The following ANKS1B variants were observed in gnomAD, a reference collection of about 807,000 sequenced individuals.
ANKS1B encodes the protein ankyrin repeat and sterile alpha motif domain containing 1B, also known as ankyrin repeat and sterile alpha motif domain-containing protein 1B.
ANKS1B carries 36 observed loss-of-function variants against 148.3 expected under a neutral mutation model. That is an observed-to-expected ratio of 0.24 (90% CI 0.19 to 0.32). The LOEUF (loss-of-function observed/expected upper bound fraction) is 0.32, where lower values mean the gene tolerates loss of function less well. Among genes scored for constraint, ANKS1B ranks in the 10% least tolerant of loss-of-function variants. The pLI, the probability that ANKS1B is intolerant of heterozygous loss-of-function variation, is 1.00. For missense variants in ANKS1B, 1,157 were observed against 1,542.6 expected, an observed-to-expected ratio of 0.75 and a Z score of 4.19; for synonymous variants, 542 against 560.8, an observed-to-expected ratio of 0.97 and a Z score of 0.47.
intron 17 of ANKS1B, among the ~76,000 whole-genome samples, chr12:98,981,240 C>A (rs141757461): frequency 3.3e-5 from 5 of 151,976 alleles, no homozygotes; most frequent in Non-Finnish European, 5.9e-5. Flanking sequence ...TGGCCTCAAG[C>A]GATCCTCCCA....
intron 9 of ANKS1B, chr12:99,648,348 A>C: frequency 6.2e-7 from 1 of 1,614,214 alleles, no homozygotes; most frequent in Non-Finnish European, 8.5e-7. Flanking sequence ...AAAGAGGAGA[A>C]GTGATTGACG....
intron 11 of ANKS1B, among the ~76,000 whole-genome samples, chr12:99,406,048 A>G (rs2094524683): frequency 6.9e-6 from 1 of 145,800 alleles, no homozygotes; most frequent in Non-Finnish European, 1.5e-5. Context: ...GTAAAGAGAG[A>G]CATAAACCCC....
At chr12:99,940,199 C>T (rs1021815637) in intron 1 of ANKS1B, among the ~76,000 whole-genome samples, 5 of 152,144 alleles carry the variant, frequency 3.3e-5, no homozygotes, top group Admixed American at 6.6e-5. Context: ...ATAGCCTAAT[C>T]TATACTCCCA....
At chr12:99,587,516 G>A (rs2097654472) in intron 9 of ANKS1B, among the ~76,000 whole-genome samples, 1 of 152,078 alleles carries the variant, frequency 6.6e-6, no homozygotes. Flanking sequence ...AGTTTTAATT[G>A]CTCTATCTTA....
At chr12:98,841,424 C>G (rs1172813890) in intron 17 of ANKS1B, among the ~76,000 whole-genome samples, 1 of 152,092 alleles carries the variant, frequency 6.6e-6, no homozygotes, top group Non-Finnish European at 1.5e-5. Flanking sequence ...TGAGGTTTAG[C>G]TACTTTAATG....
At chr12:99,947,800 C>A (rs527631597) in intron 1 of ANKS1B, among the ~76,000 whole-genome samples, 1 of 152,244 alleles carries the variant, frequency 6.6e-6, no homozygotes, top group Admixed American at 6.5e-5. Flanking sequence ...AATTCAGTTC[C>A]ACACAGCAAA....
chr12:99,123,104 T>C (rs11109730), intron 15 of ANKS1B, among the ~76,000 whole-genome samples: 36,907 of 150,632 alleles, frequency 0.25, 4,756 homozygotes, highest in African/African-American at 0.3. Flanking sequence ...CCAGTTTTAG[T>C]GATGTCTATA....
chr12:99,325,259 T>A (rs1428915586), intron 12 of ANKS1B, among the ~76,000 whole-genome samples: 1 of 152,098 alleles, frequency 6.6e-6, no homozygotes, highest in Non-Finnish European at 1.5e-5. Context: ...AGAGCCCCTA[T>A]CACAGCAACA....
At chr12:99,587,112 G>A (rs1049946412) in intron 9 of ANKS1B, among the ~76,000 whole-genome samples, 29 of 152,194 alleles carry the variant, frequency 1.9e-4, no homozygotes, top group African/African-American at 6.0e-4. Context: ...GCAAATGGCA[G>A]AGCAGGGTAA....
At chr12:99,251,605 A>C (rs1016476341) in intron 12 of ANKS1B, among the ~76,000 whole-genome samples, 1 of 152,216 alleles carries the variant, frequency 6.6e-6, no homozygotes, top group African/African-American at 2.4e-5. Context: ...ATTTCAAAGA[A>C]ATGTCAGAGT....
chr12:99,654,595 G>C (rs2153443996), intron 9 of ANKS1B, among the ~76,000 whole-genome samples: 1 of 152,212 alleles, frequency 6.6e-6, no homozygotes. Context: ...ATATTTTAGT[G>C]TTCTGGTTTC....
At chr12:99,253,807 T>G (rs1422197828) in intron 12 of ANKS1B, among the ~76,000 whole-genome samples, 1 of 152,142 alleles carries the variant, frequency 6.6e-6, no homozygotes, top group East Asian at 1.9e-4. Flanking sequence ...ATGATCAAAG[T>G]GAACAATATC....
At chr12:99,433,990 C>T (rs566824570) in intron 11 of ANKS1B, among the ~76,000 whole-genome samples, 11 of 152,226 alleles carry the variant, frequency 7.2e-5, no homozygotes, top group Non-Finnish European at 1.3e-4. Context: ...ATATGGTAGG[C>T]ACTCAACTGT....
intron 12 of ANKS1B, among the ~76,000 whole-genome samples, chr12:99,355,882 C>T (rs1032800209): frequency 6.6e-6 from 1 of 151,814 alleles, no homozygotes; most frequent in African/African-American, 2.4e-5. Context: ...ACCTACCCTT[C>T]GTAGTGTTTT....
intron 8 of ANKS1B, among the ~76,000 whole-genome samples, chr12:99,659,752 AAT>A (rs1261837264): frequency 6.6e-6 from 1 of 152,172 alleles, no homozygotes; most frequent in Non-Finnish European, 1.5e-5. Flanking sequence ...AGCCCAATAA[AAT>A]AGAGTAAGAA....
At chr12:98,757,262 G>A (rs2098272306) in intron 25 of ANKS1B, among the ~76,000 whole-genome samples, 1 of 152,158 alleles carries the variant, frequency 6.6e-6, no homozygotes. Flanking sequence ...GGCTCCAGTC[G>A]GGCTGCCCCA....
chr12:99,348,175 A>G (rs1280565154), intron 12 of ANKS1B, among the ~76,000 whole-genome samples: 1 of 151,978 alleles, frequency 6.6e-6, no homozygotes, highest in Non-Finnish European at 1.5e-5. Context: ...ATGAAGATAA[A>G]TGAACAGAAC....
intron 15 of ANKS1B, 93 bp from the exon 16 acceptor site, chr12:99,085,116 T>C: frequency 1.0e-6 from 1 of 970,750 alleles, no homozygotes; most frequent in Non-Finnish European, 1.6e-6. Context: ...AACCAGTGAG[T>C]GACCTGATTT....
At chr12:99,902,927 T>TTGC (rs1212352522) in intron 1 of ANKS1B, among the ~76,000 whole-genome samples, 2 of 151,624 alleles carry the variant, frequency 1.3e-5, no homozygotes, top group Non-Finnish European at 2.9e-5. Flanking sequence ...ATTGTTGTTG[T>TTGC]TGTTGTTGCT....
Sources: gnomAD v4.1 joint callset for allele counts (sites outside exome capture counted in the v4.1 genomes callset) on GRCh38, gnomAD v4.1.1 for gene constraint, MANE v1.5 for transcripts, NCBI Gene and HGNC (gene_info 2026-07-23, HGNC 2026-07-21) for gene names.